The following SPHKAP variants were observed in gnomAD, a reference collection of about 807,000 sequenced individuals.
SPHKAP encodes A-kinase anchor protein SPHKAP.
In SPHKAP, 67 loss-of-function variants were observed where a neutral mutation model predicts 137.5. That is an observed-to-expected ratio of 0.49 (90% confidence interval 0.40 to 0.60). The LOEUF is 0.60. Ranked by LOEUF, SPHKAP falls within the 20% of genes least tolerant of loss-of-function variation. The pLI, the probability that SPHKAP is intolerant of heterozygous loss-of-function variation, is 0.00. For missense variants in SPHKAP, 2,097 were observed against 2,069.3 expected (o/e 1.01, Z -0.26); for synonymous variants, 813 against 785.3 (o/e 1.04, Z -0.59).
At chr2:228,140,691 G>A (rs1237314865) in intron 1 of SPHKAP, among the ~76,000 whole-genome samples, 1 of 152,124 alleles carries the variant, frequency 6.6e-6, no homozygotes, top group Non-Finnish European at 1.5e-5. Context: ...GGAAGTGATT[G>A]GATCATGGGG....
intron 1 of SPHKAP, among the ~76,000 whole-genome samples, chr2:228,179,405 A>G (rs1700834663): frequency 6.6e-6 from 1 of 152,172 alleles, no homozygotes; most frequent in African/African-American, 2.4e-5. Flanking sequence ...AAAAATTTTA[A>G]TTTTCTTTTT....
chr2:228,027,498 C>G lies in SPHKAP; in HGVS notation c.292G>C (p.Glu98Gln). Residue 98 changes from glutamate (E) to glutamine (Q), a missense_variant, in exon 4 of 12, where the codon GAG becomes CAG. Physicochemically the swap from Glu to Gln is conservative, Grantham distance 29. Coordinates refer to ENST00000392056, the MANE Select transcript of SPHKAP (RefSeq NM_001142644.2). The part of the protein sequence containing the change: ...LDVNKDECST[E>Q]HLQQKLVNVS... ...TCAAATGTTACCTGTTGCAGGTGCT[C>G]TGTGCTGCATTCATCCTTGTTCACA... is the stretch of plus-strand genomic sequence containing the variant. 6.2e-7 allele frequency: 1 copy of G among 1,613,956 alleles called. No homozygotes were observed.
intron 3 of SPHKAP, among the ~76,000 whole-genome samples, chr2:228,072,772 T>G (rs540424630): frequency 6.6e-6 from 1 of 152,284 alleles, no homozygotes; most frequent in South Asian, 2.1e-4. Context: ...CAGAGAGAGA[T>G]GCCTAGGGAT....
At chr2:228,132,436 G>T in intron 1 of SPHKAP, 2 of 499,838 alleles carry the variant, frequency 4.0e-6, no homozygotes, top group Non-Finnish European at 5.2e-6. Flanking sequence ...CATTAATTCA[G>T]CTCTGAAAAC....
intron 3 of SPHKAP, among the ~76,000 whole-genome samples, chr2:228,070,423 TTC>T (rs1274683611): frequency 6.6e-6 from 1 of 151,976 alleles, no homozygotes; most frequent in Non-Finnish European, 1.5e-5. Flanking sequence ...GCATAGTAAA[TTC>T]TGTCTGACCT....
chr2:228,114,286 T>C (rs537431608), intron 2 of SPHKAP, among the ~76,000 whole-genome samples: 2 of 152,196 alleles, frequency 1.3e-5, no homozygotes, highest in Non-Finnish European at 2.9e-5. Context: ...CAGTTACGTT[T>C]CTTTTTATAT....
Position 228,154,510 on chromosome 2 carries a change from CTCTATA to C in SPHKAP, c.33-22431_33-22426del, listed in dbSNP as rs1285725703. 7.7e-4 allele frequency among the ~76,000 whole-genome samples: 29 copies of C among 37,520 alleles called. 1 individual carries two copies. Among genetic ancestry groups the C allele is most frequent in the African/African-American group, 2.5e-3 (24 of 9,752 alleles). The allele number at this position is 37,520 out of a possible 152,430, so 24.6% of individuals were successfully genotyped here. A position where few individuals can be genotyped will look rare whatever the true frequency, so the allele number is the denominator to read the frequency against. The stretch of plus-strand genomic sequence containing the variant: ...TCTCTCTCTCTCTCTCTCTCTCTCT[CTCTATA>C]TATATATATATATATATTTTTTTTT... On this transcript the variant is annotated intron_variant, in intron 1 of 11. Transcript: ENST00000392056.
intron 9 of SPHKAP, chr2:227,991,655 A>G (rs1693418644): frequency 1.0e-6 from 1 of 985,340 alleles, no homozygotes; most frequent in Non-Finnish European, 1.2e-6. Flanking sequence ...ACAATGAAAG[A>G]GAGATTTTGT....
intron 1 of SPHKAP, among the ~76,000 whole-genome samples, chr2:228,150,489 T>C (rs1388469102): frequency 2.0e-5 from 3 of 152,318 alleles, no homozygotes; most frequent in East Asian, 3.9e-4. Context: ...TCTTCTTGAG[T>C]TACTTTAGTA....
chr2:228,098,453 TC>T (rs760207787), intron 3 of SPHKAP, among the ~76,000 whole-genome samples: 27 of 152,182 alleles, frequency 1.8e-4, no homozygotes, highest in Non-Finnish European at 3.5e-4. Flanking sequence ...TGAGTTCATG[TC>T]CTTTGTAGGG....
intron 3 of SPHKAP, among the ~76,000 whole-genome samples, chr2:228,051,451 A>C (rs1439580235): frequency 1.3e-5 from 2 of 152,166 alleles, no homozygotes; most frequent in Non-Finnish European, 2.9e-5. Context: ...TGTGTGGTGG[A>C]CTTGTCCTCT....
intron 11 of SPHKAP, among the ~76,000 whole-genome samples, chr2:227,987,295 C>T (rs543403678): frequency 2.6e-5 from 4 of 152,140 alleles, no homozygotes; most frequent in African/African-American, 7.2e-5. Context: ...TACTGTTCTC[C>T]GTGTGCTTCT....
At chr2:227,993,879 G>T in intron 8 of SPHKAP, 1 of 198,808 alleles carries the variant, frequency 5.0e-6, no homozygotes, top group African/African-American at 2.4e-5. Flanking sequence ...ACCACTTTCT[G>T]AAGTGGTATC....
In SPHKAP at chr2:227,993,732, C is replaced by T. The variant is rs115119226; in HGVS notation, c.4635-112G>A. The T allele has an allele frequency of 5.4e-4, 502 of 927,502 alleles. 1 individual carries two copies. In the African/African-American group the frequency reaches 7.2e-3, roughly 13 times the overall value. 57.5% of individuals were successfully genotyped at this position (927,502 alleles called of 1,614,324 possible). A position where few individuals can be genotyped will look rare whatever the true frequency, so the allele number is the denominator to read the frequency against. ...CTTCCTTTGGTCCCCAGAAAAATAT[C>T]GCTTTGTGCCTAGGACACCTCAATT... On this transcript the variant is annotated intron_variant, in intron 8 of 11. Coordinates refer to ENST00000392056, the MANE Select transcript of SPHKAP (RefSeq NM_001142644.2).
At chr2:228,137,673 A>G (rs1280694141) in intron 1 of SPHKAP, among the ~76,000 whole-genome samples, 1 of 152,146 alleles carries the variant, frequency 6.6e-6, no homozygotes. Flanking sequence ...CTTTAATCCC[A>G]ACACTAGAAA....
intron 3 of SPHKAP, among the ~76,000 whole-genome samples, chr2:228,070,901 A>C (rs918398381): frequency 2.6e-5 from 4 of 152,152 alleles, no homozygotes; most frequent in Non-Finnish European, 4.4e-5. Flanking sequence ...TTTGGGAACA[A>C]ATAGACCACT....
chr2:228,109,031 A>G, intron 2 of SPHKAP, 92 bp from the exon 3 acceptor site: 1 of 852,430 alleles, frequency 1.2e-6, no homozygotes, highest in Non-Finnish European at 1.7e-6. Context: ...TTATAAAAAA[A>G]CCTGTAGGTG....
chr2:228,149,220 G>A (rs1699859310), intron 1 of SPHKAP, among the ~76,000 whole-genome samples: 2 of 152,064 alleles, frequency 1.3e-5, no homozygotes, highest in African/African-American at 2.4e-5. Flanking sequence ...CTTTGACTAA[G>A]TCTCTACACA....
intron 7 of SPHKAP, among the ~76,000 whole-genome samples, chr2:228,006,097 G>T (rs1375043483): frequency 6.6e-6 from 1 of 152,092 alleles, no homozygotes; most frequent in African/African-American, 2.4e-5. Flanking sequence ...GCCTTGCTAG[G>T]TTGGGGAAGT....
Sources: gnomAD v4.1 joint callset for allele counts (sites outside exome capture counted in the v4.1 genomes callset) on GRCh38, gnomAD v4.1.1 for gene constraint, MANE v1.5 for transcripts, NCBI Gene and HGNC (gene_info 2026-07-23, HGNC 2026-07-21) for gene names.